The following ADAMTS13 variants were observed in gnomAD, a reference collection of about 807,000 sequenced individuals.
ADAMTS13 encodes ADAM metallopeptidase with thrombospondin type 1 motif 13.
In ADAMTS13, 110 loss-of-function variants were observed where a neutral mutation model predicts 155.1. The ratio of observed to expected loss-of-function variants is 0.71; its 90% CI spans 0.61 to 0.83. The LOEUF is 0.83. Ranked by LOEUF, ADAMTS13 falls within the 40% of genes least tolerant of loss-of-function variation. ADAMTS13 has a pLI of 0.00. For missense variants in ADAMTS13, 1,707 were observed against 1,891.7 expected, an observed-to-expected ratio of 0.90 and a Z score of 1.81; for synonymous variants, 758 against 756.4, an observed-to-expected ratio of 1.00 and a Z score of -0.03.
At chr9:133,446,302 G>T (rs587726711) in intron 21 of ADAMTS13, among the ~76,000 whole-genome samples, 2 of 152,050 alleles carry the variant, frequency 1.3e-5, no homozygotes, top group Non-Finnish European at 2.9e-5. Flanking sequence ...TTCCAGTTTC[G>T]CAAACTGGAG....
In ADAMTS13 at chr9:133,442,760, C is replaced by A. The variant is rs375127652; in HGVS notation, c.2234+17C>A. ...CCCTCCCTAGTGAGTGTGGTGCTGT[C>A]TGCGCAGCTCCAAGGGGGAGAGAGG... is the stretch of plus-strand genomic sequence containing the variant. On this transcript the variant is annotated intron_variant, in intron 18 of 28. Transcript: ENST00000355699. 5.8e-5 allele frequency: 93 copies of A among 1,610,450 alleles called. No individual in the cohort carries two copies. Among genetic ancestry groups the A allele is most frequent in the African/African-American group, 3.9e-4 (29 of 75,048 alleles).
At chr9:133,455,563 G>A (rs1554795602) in intron 25 of ADAMTS13, 128 bp downstream of exon 25, 3 of 1,607,984 alleles carry the variant, frequency 1.9e-6, no homozygotes, top group Non-Finnish European at 2.5e-6. Context: ...CCCAGCCTCG[G>A]CGGCTCCTGC....
chr9:133,455,288 T>C lies in ADAMTS13; in HGVS notation c.3253T>C (p.Ser1085Pro), dbSNP rs1228700986. Reference sequence around the variant, plus strand: ...TCCTCCTCCCCTCTCTTGGCAGTGCTCTGTTTCCTGTGGGGATGGCATCCA... The same window carrying C: ...TCCTCCTCCCCTCTCTTGGCAGTGCCCTGTTTCCTGTGGGGATGGCATCCA... ...RWHVGTWMEC[S>P]VSCGDGIQRR... Residue 1085 changes from serine to proline, a missense_variant, in exon 25 of 29, where the codon TCT becomes CCT. Physicochemically the swap from Ser to Pro is moderately conservative, Grantham distance 74. This residue lies in a region of ADAMTS13 where 961 missense variants were observed against 1,107.9 expected (regional missense o/e 0.87). Coordinates refer to ENST00000355699, the MANE Select transcript of ADAMTS13 (RefSeq NM_139027.6). The C allele has an allele frequency of 1.2e-6, 2 of 1,601,800 alleles. No homozygotes were observed. Among genetic ancestry groups the C allele is most frequent in the Non-Finnish European group, 1.7e-6 (2 of 1,179,954 alleles).
At chr9:133,439,558 A>G in intron 15 of ADAMTS13, 112 bp downstream of exon 15, 1 of 935,062 alleles carries the variant, frequency 1.1e-6, no homozygotes, top group Non-Finnish European at 1.8e-6. Context: ...GGGTTCCCCA[A>G]ACCACCCTCA....
Position 133,433,722 on chromosome 9 carries a change from G to C in ADAMTS13, c.1308+18G>C. ...ACACTCAGGTAGGCCTGCTTCCTGG[G>C]GTAGGAGGGGGCAGCTGGTGGCACC... On this transcript the variant is annotated intron_variant, in intron 11 of 28. Transcript: ENST00000355699. 6.2e-7 allele frequency: 1 copy of C among 1,611,694 alleles called. No individual in the cohort carries two copies. Among genetic ancestry groups the C allele is most frequent in the Non-Finnish European group, 8.5e-7 (1 of 1,179,934 alleles).
chr9:133,455,608 T>G, intron 25 of ADAMTS13, 173 bp downstream of exon 25: 1 of 1,600,142 alleles, frequency 6.2e-7, no homozygotes, highest in Non-Finnish European at 8.5e-7. Flanking sequence ...AGTCCAGTTA[T>G]GTCCTGTCCT....
At chr9:133,442,834 G>C in intron 18 of ADAMTS13, 91 bp downstream of exon 18, 3 of 1,488,510 alleles carry the variant, frequency 2.0e-6, no homozygotes, top group Non-Finnish European at 2.7e-6. Context: ...GGGCCCATGT[G>C]GCAGGGCCGG....
upstream of ADAMTS13, among the ~76,000 whole-genome samples, chr9:133,418,891 A>G (rs1170345908): frequency 6.6e-6 from 1 of 152,212 alleles, no homozygotes; most frequent in Non-Finnish European, 1.5e-5. Flanking sequence ...AATTGGGCAT[A>G]AGACAATATG....
In ADAMTS13 at chr9:133,445,895, T is replaced by G; in HGVS notation, c.2731+76T>G. ...TGTCCACTTGCATCTTGCCTCGTTC[T>G]GAAAAGCATTTGAGGTGGATTGCAG... On this transcript the variant is annotated intron_variant, in intron 21 of 28. Transcript: ENST00000355699. This position sits in a 1 kb window ranked among gnomAD's most constrained non-coding sequence, Gnocchi z 5.0. 1 of 1,505,172 alleles carries G rather than the reference T, an allele frequency of 6.6e-7. No homozygotes were observed. Among genetic ancestry groups the G allele is most frequent in the South Asian group, 1.3e-5 (1 of 74,802 alleles). The allele number at this position is 1,505,172 out of a possible 1,614,324, so 93.2% of individuals were successfully genotyped here.
chr9:133,456,186 T>C lies in ADAMTS13; in HGVS notation c.3518T>C (p.Val1173Ala), dbSNP rs782033398. 1.2e-6 allele frequency: 2 copies of C among 1,613,562 alleles called. No homozygotes were observed. Among genetic ancestry groups the C allele is most frequent in the South Asian group, 2.2e-5 (2 of 91,090 alleles). ...CTCGGGGAGGTGGTGACCCTCCGCGTCCTTGAGAGTTCTCTCAACTGCAGT... is the reference window on the plus strand; with the variant it reads ...CTCGGGGAGGTGGTGACCCTCCGCGCCCTTGAGAGTTCTCTCAACTGCAGT... Reference protein sequence around the residue: ...RPLGEVVTLRVLESSLNCSAG... With the variant: ...RPLGEVVTLRALESSLNCSAG... Residue 1173 changes from valine to alanine, a missense_variant, in exon 26 of 29, where the codon GTC becomes GCC. Physicochemically the swap from Val to Ala is moderately conservative, Grantham distance 64. Around this residue, in one of 3 missense-constraint regions of ADAMTS13, gnomAD observed 961 missense variants for 1,107.9 expected, o/e 0.87. Coordinates refer to ENST00000355699, the MANE Select transcript of ADAMTS13 (RefSeq NM_139027.6). The surrounding 1 kb of genome is among the most constrained non-coding windows in gnomAD (Gnocchi z 4.4).
upstream of ADAMTS13, among the ~76,000 whole-genome samples, chr9:133,418,663 G>T (rs368887188): frequency 0.011 from 1,725 of 152,324 alleles, 43 homozygotes; most frequent in African/African-American, 0.038. Flanking sequence ...CAAGCAGGGG[G>T]TACGTGACTG....
intron 24 of ADAMTS13, among the ~76,000 whole-genome samples, chr9:133,454,899 C>G (rs781968569): frequency 6.6e-6 from 1 of 152,102 alleles, no homozygotes; most frequent in Admixed American, 6.5e-5. Flanking sequence ...AGCTGTGCCA[C>G]GCACCTGGCA....
chr9:133,458,107 A>G lies in ADAMTS13; in HGVS notation c.3909+13A>G, dbSNP rs911463226. 3.1e-6 allele frequency: 5 copies of G among 1,612,312 alleles called. No homozygotes were observed. In the East Asian group the frequency reaches 6.7e-5, roughly 22 times the overall value. On this transcript the variant is annotated intron_variant, in intron 28 of 28. Transcript: ENST00000355699. Reference sequence around the variant, plus strand: ...CAGCTACATCTTGGTGAGGCCCAGCATGGGGACTTGTGCTGTGATTCTGGA... The same window carrying G: ...CAGCTACATCTTGGTGAGGCCCAGCGTGGGGACTTGTGCTGTGATTCTGGA...
At chr9:133,454,363 G>A (rs938166170) in intron 23 of ADAMTS13, 52 bp from the exon 24 acceptor site, 12 of 1,601,864 alleles carry the variant, frequency 7.5e-6, no homozygotes, top group Non-Finnish European at 1.0e-5. Flanking sequence ...GCGTGGGGCA[G>A]TACTGTCTCT....
chr9:133,420,499 G>T (rs1015565687), upstream of ADAMTS13, among the ~76,000 whole-genome samples: 1 of 152,230 alleles, frequency 6.6e-6, no homozygotes, highest in South Asian at 2.1e-4. Flanking sequence ...TCCTGCCCAG[G>T]TTCCCACTTT....
At chr9:133,414,793 C>T (rs1554781181) in intron 1 of ADAMTS13, 1 of 1,614,162 alleles carries the variant, frequency 6.2e-7, no homozygotes, top group South Asian at 1.1e-5. Flanking sequence ...TTCCACTGGC[C>T]TTGGTGCGAG....
intron 27 of ADAMTS13, 104 bp from the exon 28 acceptor site, chr9:133,457,806 C>A: frequency 6.8e-7 from 1 of 1,461,674 alleles, no homozygotes; most frequent in South Asian, 1.1e-5. Flanking sequence ...CCAATATTGA[C>A]CACAGTGCCA....
chr9:133,437,696 G>A, intron 12 of ADAMTS13, 53 bp from the exon 13 acceptor site: 2 of 1,611,170 alleles, frequency 1.2e-6, no homozygotes, highest in Non-Finnish European at 1.7e-6. Flanking sequence ...GGGGCTGGGG[G>A]ACTTGCCCCT....
intron 21 of ADAMTS13, among the ~76,000 whole-genome samples, 187 bp downstream of exon 21, chr9:133,446,006 T>C (rs1041160705): frequency 2.6e-5 from 4 of 152,158 alleles, no homozygotes; most frequent in Admixed American, 2.0e-4. Flanking sequence ...TGGGTGTTGA[T>C]TGGCTGAAAG....
Sources: allele counts gnomAD v4.1 joint callset (sites outside exome capture counted in the v4.1 genomes callset), GRCh38; gene constraint gnomAD v4.1.1; regional missense constraint gnomAD v4.1.1; non-coding constraint Gnocchi (gnomAD v3.1); transcripts MANE v1.5; gene names NCBI Gene and HGNC (gene_info 2026-07-23, HGNC 2026-07-21).